C1orf50: variants seen among roughly 807,000 people sequenced by gnomAD.
The protein encoded by C1orf50 is uncharacterized protein C1orf50.
A neutral mutation model predicts 23.3 loss-of-function variants in C1orf50; 22 were observed. That is an observed-to-expected ratio of 0.94 (90% CI 0.67 to 1.35). C1orf50 has a LOEUF of 1.35. Ranked by LOEUF, C1orf50 falls within the 40% of genes most tolerant of loss-of-function variation. The probability of loss-of-function intolerance (pLI) is 0.00; values close to 1 mark genes in which losing one functional copy is unlikely to be tolerated. For missense variants in C1orf50, 271 were observed against 249.4 expected (o/e 1.09, Z -0.58); for synonymous variants, 96 against 102.4 (o/e 0.94, Z 0.38).
At chr1:42,767,965 C>A (rs1031747296) in intron 2 of C1orf50, among the ~76,000 whole-genome samples, 3 of 152,200 alleles carry the variant, frequency 2.0e-5, no homozygotes, top group Non-Finnish European at 4.4e-5. Flanking sequence ...AAGAAAAGTT[C>A]TTCGGGAAGT....
At chr1:42,767,711 T>TA in intron 2 of C1orf50, 87 bp downstream of exon 2, 9 of 1,161,248 alleles carry the variant, frequency 7.8e-6, no homozygotes, top group African/African-American at 1.6e-5. Flanking sequence ...CTACCACCTA[T>TA]GGTGGGGGTG....
chr1:42,767,899 C>G (rs1052869031), intron 2 of C1orf50, among the ~76,000 whole-genome samples: 2 of 152,168 alleles, frequency 1.3e-5, no homozygotes, highest in African/African-American at 4.8e-5. Context: ...TTCATTTGCA[C>G]CTTAGGACAG....
In C1orf50 at chr1:42,767,558, C is replaced by T; in HGVS notation, c.129C>T (p.Ser43=). The change falls in exon 2 of 5, where the codon AGC becomes AGT. Residue 43 remains serine (S), a synonymous_variant. Transcript: ENST00000372525. ...CCCCCGGCGGCCTGGCCCTGGTGAG[C>T]CCCTACCACACCCACCGGGCCGGGG... ...TPTPGGLALV[S]PYHTHRAGDP... is the part of the protein sequence containing the mutation. The T allele has an allele frequency of 6.2e-7, 1 of 1,609,430 alleles. No individual in the cohort carries two copies. Among genetic ancestry groups the T allele is most frequent in the Non-Finnish European group, 8.5e-7 (1 of 1,178,636 alleles).
In C1orf50 at chr1:42,767,579, C is replaced by T. The variant is rs760757599; in HGVS notation, c.150C>T (p.Ala50=). The T allele has an allele frequency of 5.0e-6, 8 of 1,611,892 alleles. No individual in the cohort carries two copies. The South Asian group carries it at 5.5e-5, about 11-fold the overall frequency. The change falls in exon 2 of 5, where the codon GCC becomes GCT. Residue 50 remains alanine, a synonymous_variant. Transcript: ENST00000372525. The part of the protein sequence containing the change: ...ALVSPYHTHR[A]GDPLDLVALA... ...TGAGCCCCTACCACACCCACCGGGC[C>T]GGGGACCCCTTAGACCTCGTGGCGC...
At chr1:42,768,921 A>T (rs1029125330) in intron 2 of C1orf50, among the ~76,000 whole-genome samples, 3 of 152,220 alleles carry the variant, frequency 2.0e-5, no homozygotes, top group African/African-American at 7.2e-5. Flanking sequence ...CTGAAGAAAA[A>T]AAAAACTTTA....
intron 2 of C1orf50, among the ~76,000 whole-genome samples, chr1:42,768,047 A>C (rs905773907): frequency 6.6e-6 from 1 of 152,238 alleles, no homozygotes; most frequent in African/African-American, 2.4e-5. Flanking sequence ...ATCTTCTAGC[A>C]GGGCAAGGAC....
intron 2 of C1orf50, among the ~76,000 whole-genome samples, chr1:42,771,086 A>G (rs994291417): frequency 3.3e-5 from 5 of 152,206 alleles, no homozygotes; most frequent in African/African-American, 1.2e-4. Context: ...CTTCATAAAA[A>G]TGAAGTAGCT....
intron 2 of C1orf50, among the ~76,000 whole-genome samples, chr1:42,768,600 AAGCTCCTTT>A (rs1653143844): frequency 1.3e-5 from 2 of 152,148 alleles, no homozygotes; most frequent in South Asian, 4.1e-4. Flanking sequence ...GATACGCAGA[AAGCTCCTTT>A]AATTCAAAAC....
In C1orf50 at chr1:42,767,492, C is replaced by T. The variant is rs1174974924; in HGVS notation, c.80-17C>T. 1 of 1,558,632 alleles carries T rather than the reference C, an allele frequency of 6.4e-7. No homozygotes were observed. Among genetic ancestry groups the T allele is most frequent in the Non-Finnish European group, 8.7e-7 (1 of 1,151,736 alleles). ...CGGCGGGAGCTCACGGCTTGTGTTC[C>T]TGGGTGTGTGTCGCAGGAGCCCTGG... On this transcript the variant is annotated splice_polypyrimidine_tract_variant and intron_variant, in intron 1 of 4. Coordinates refer to ENST00000372525, the MANE Select transcript of C1orf50 (RefSeq NM_024097.4).
intron 2 of C1orf50, among the ~76,000 whole-genome samples, chr1:42,770,880 T>C (rs915040228): frequency 1.3e-5 from 2 of 152,346 alleles, no homozygotes; most frequent in East Asian, 3.9e-4. Flanking sequence ...CTGCAAACTT[T>C]TTTTTTTCCA....
rs758161425 is a variant in C1orf50 at position 42,767,281 on chromosome 1, G to C, written c.-31G>C. Reference sequence around the variant, plus strand: ...TGCGCAGGCTCTTCCTACTCGCACAGCCCAGGGAGTGGGGAGGATAAGGCG... The same window carrying C: ...TGCGCAGGCTCTTCCTACTCGCACACCCCAGGGAGTGGGGAGGATAAGGCG... On this transcript the variant is annotated 5_prime_UTR_variant, in exon 1 of 5. Transcript: ENST00000372525. 5 of 1,481,162 alleles carry C rather than the reference G, an allele frequency of 3.4e-6. No homozygotes were observed. The African/African-American group carries it at 4.3e-5, about 13-fold the overall frequency. The allele number at this position is 1,481,162 out of a possible 1,614,324, so 91.8% of individuals were successfully genotyped here.
intron 2 of C1orf50, among the ~76,000 whole-genome samples, chr1:42,771,216 T>C (rs1474860822): frequency 1.3e-5 from 2 of 152,254 alleles, no homozygotes; most frequent in Admixed American, 6.5e-5. Flanking sequence ...TCTTTACTTT[T>C]TGGTATCTAT....
chr1:42,771,751 G>A (rs1432975167), intron 2 of C1orf50, among the ~76,000 whole-genome samples: 1 of 152,208 alleles, frequency 6.6e-6, no homozygotes, highest in Non-Finnish European at 1.5e-5. Context: ...GCTGAGGCAG[G>A]CGTATCACTT....
Position 42,767,401 on chromosome 1 carries a change from C to G in C1orf50, c.79+11C>G. The G allele has an allele frequency of 6.4e-7, 1 of 1,556,258 alleles. No individual in the cohort carries two copies. Among genetic ancestry groups the G allele is most frequent in the Non-Finnish European group, 8.7e-7 (1 of 1,151,616 alleles). ...CTGCAGGCCAGGGAGGTATGCGGGG[C>G]GGGAGTCAGCAGGGGGAAGTCAGCT... On this transcript the variant is annotated intron_variant, in intron 1 of 4. Coordinates refer to ENST00000372525, the MANE Select transcript of C1orf50 (RefSeq NM_024097.4).
At chr1:42,771,492 A>G (rs1406701328) in intron 2 of C1orf50, among the ~76,000 whole-genome samples, 1 of 152,296 alleles carries the variant, frequency 6.6e-6, no homozygotes, top group African/African-American at 2.4e-5. Context: ...TTAGCATCCA[A>G]ATTGAGATGT....
At position 42,774,813 on chromosome 1, in the gene C1orf50, A is replaced by G. The variant is rs763681234; in HGVS notation, c.359A>G (p.Tyr120Cys). 1.9e-6 allele frequency: 3 copies of G among 1,613,794 alleles called. No homozygotes were observed. Among genetic ancestry groups the G allele is most frequent in the Non-Finnish European group, 2.5e-6 (3 of 1,179,902 alleles). Residue 120 changes from tyrosine (Y) to cysteine (C), a missense_variant, in exon 4 of 5, where the codon TAC (tyrosine) becomes TGC (cysteine). Tyr to Cys is a radical substitution (Grantham distance 194). Coordinates refer to ENST00000372525, the MANE Select transcript of C1orf50 (RefSeq NM_024097.4). The part of the protein sequence containing the change: ...CNIVKKPGNI[Y>C]YLYKRESGQQ... ...ATAGTGAAAAAACCTGGCAACATTT[A>G]CTATCTCTATAAACGGGAGAGTGGT...
chr1:42,770,887 T>C (rs946541300), intron 2 of C1orf50, among the ~76,000 whole-genome samples: 1 of 152,180 alleles, frequency 6.6e-6, no homozygotes, highest in African/African-American at 2.4e-5. Context: ...CTTTTTTTTT[T>C]CCAGCTTTTT....
chr1:42,767,334 G>A lies in C1orf50; in HGVS notation c.23G>A (p.Gly8Glu). Reference protein sequence around the residue: MEDAAAPGRTEGVLERQG... With the variant: MEDAAAPERTEGVLERQG... The stretch of plus-strand genomic sequence containing the variant: ...GTCATGGAGGACGCCGCCGCGCCGG[G>A]GCGGACCGAGGGGGTCCTTGAAAGG... The change falls in exon 1 of 5, where the codon GGG (glycine) becomes GAG (glutamate). Residue 8 changes from glycine (G) to glutamate (E), a missense_variant. By Grantham distance (98) the Gly-to-Glu change is moderately conservative. Transcript: ENST00000372525. 6.6e-7 allele frequency: 1 copy of A among 1,525,416 alleles called. No homozygotes were observed. Among genetic ancestry groups the A allele is most frequent in the Non-Finnish European group, 8.8e-7 (1 of 1,141,760 alleles). 94.5% of individuals were successfully genotyped at this position (1,525,416 alleles called of 1,614,324 possible).
In C1orf50 at chr1:42,775,401, G is replaced by A; in HGVS notation, c.*7G>A. Reference sequence around the variant, plus strand: ...CCAGGGACTGACTCACTGAGAGTGGGCTTTGACAAACAGCTCTCACAGGAC... The same window carrying A: ...CCAGGGACTGACTCACTGAGAGTGGACTTTGACAAACAGCTCTCACAGGAC... On this transcript the variant is annotated 3_prime_UTR_variant, in exon 5 of 5. Coordinates refer to ENST00000372525, the MANE Select transcript of C1orf50 (RefSeq NM_024097.4). 2 of 1,573,776 alleles carry A rather than the reference G, an allele frequency of 1.3e-6. No homozygotes were observed. The highest frequency in any genetic ancestry group is 1.7e-6 in the Non-Finnish European group (2 of 1,148,718).
Sources: allele counts gnomAD v4.1 joint callset (sites outside exome capture counted in the v4.1 genomes callset), GRCh38; gene constraint gnomAD v4.1.1; transcripts MANE v1.5; gene names NCBI Gene and HGNC (gene_info 2026-07-23, HGNC 2026-07-21).